CNTNAP2: variants seen among roughly 807,000 people sequenced by gnomAD.
CNTNAP2 encodes the protein contactin associated protein 2.
A neutral mutation model predicts 155.2 loss-of-function variants in CNTNAP2; 98 were observed. The observed-to-expected ratio is 0.63, with a 90% CI of 0.54 to 0.75. The LOEUF (loss-of-function observed/expected upper bound fraction) is 0.75. CNTNAP2 is among the 30% of genes least tolerant of loss of function. The pLI is 0.00. For missense variants in CNTNAP2, 1,727 were observed against 1,688.1 expected, an observed-to-expected ratio of 1.02 and a Z score of -0.40; for synonymous variants, 651 against 631.2, an observed-to-expected ratio of 1.03 and a Z score of -0.47.
rs564561687 is a variant in CNTNAP2 at position 147,567,016 on chromosome 7, A to G, written c.1897+4759A>G. Among the ~76,000 whole-genome samples, 5 of 152,250 alleles carry G rather than the reference A, an allele frequency of 3.3e-5. No individual in the cohort carries two copies. The South Asian group carries it at 1.0e-3, about 32-fold the overall frequency. On this transcript the variant is annotated intron_variant, in intron 12 of 23. Transcript: ENST00000361727. ...CAACTTGGCATCCATGCACACATAT[A>G]CAGTGGATGTGGTGGTGCCACAGAC... is the stretch of plus-strand genomic sequence containing the variant.
chr7:148,093,279 G>A (rs193296493), intron 15 of CNTNAP2, among the ~76,000 whole-genome samples: 38 of 152,064 alleles, frequency 2.5e-4, no homozygotes, highest in Non-Finnish European at 5.1e-4. Flanking sequence ...CATCAACACC[G>A]GCTATATACT....
intron 3 of CNTNAP2, among the ~76,000 whole-genome samples, chr7:146,947,326 G>A (rs966225573): frequency 2.7e-5 from 4 of 148,694 alleles, no homozygotes; most frequent in African/African-American, 4.9e-5. Context: ...ATATAAATTT[G>A]TAAATTTTTA....
At chr7:147,112,114 G>C (rs1017337692) in intron 5 of CNTNAP2, among the ~76,000 whole-genome samples, 2 of 151,902 alleles carry the variant, frequency 1.3e-5, no homozygotes, top group South Asian at 4.1e-4. Flanking sequence ...TATATCTTAG[G>C]TATTTTATAT....
chr7:148,192,157 G>T (rs1255530558), intron 18 of CNTNAP2, among the ~76,000 whole-genome samples: 1 of 152,022 alleles, frequency 6.6e-6, no homozygotes, highest in East Asian at 1.9e-4. Flanking sequence ...GGCGTACAAG[G>T]GTAATTTTGT....
chr7:146,527,954 C>T (rs1187654951), intron 1 of CNTNAP2, among the ~76,000 whole-genome samples: 3 of 151,996 alleles, frequency 2.0e-5, no homozygotes, highest in Non-Finnish European at 4.4e-5. Flanking sequence ...TTACATTTTA[C>T]GGCTTTTGTT....
At chr7:146,884,047 T>C (rs1338073774) in intron 3 of CNTNAP2, among the ~76,000 whole-genome samples, 3 of 152,130 alleles carry the variant, frequency 2.0e-5, no homozygotes, top group East Asian at 1.9e-4. Flanking sequence ...GATTTCTAAC[T>C]ATTATTTTAC....
At chr7:147,079,326 C>T (rs1289426342) in intron 4 of CNTNAP2, among the ~76,000 whole-genome samples, 1 of 152,040 alleles carries the variant, frequency 6.6e-6, no homozygotes, top group African/African-American at 2.4e-5. Context: ...GGGACCTGTG[C>T]TACCTGCCAC....
intron 10 of CNTNAP2, among the ~76,000 whole-genome samples, chr7:147,473,298 A>G (rs1006386636): frequency 7.3e-4 from 111 of 152,154 alleles, no homozygotes; most frequent in African/African-American, 2.3e-3. Flanking sequence ...TGTTTTAGGT[A>G]ACATTAATGA....
rs191763538 is a variant in CNTNAP2 at position 148,316,844 on chromosome 7, C to T, written c.3475+49718C>T. Among the ~76,000 whole-genome samples, 14 of 152,244 alleles carry T rather than the reference C, an allele frequency of 9.2e-5. No homozygotes were observed. In the East Asian group the frequency reaches 9.7e-4, roughly 11 times the overall value. On this transcript the variant is annotated intron_variant, in intron 21 of 23. Coordinates refer to ENST00000361727, the MANE Select transcript of CNTNAP2 (RefSeq NM_014141.6). ...AGTGTATATATTATTAAAGACTCAG[C>T]GAGAAAAGACAATTCACTTTAAGAC...
chr7:146,378,128 T>G (rs1795330109), intron 1 of CNTNAP2, among the ~76,000 whole-genome samples: 1 of 152,170 alleles, frequency 6.6e-6, no homozygotes, highest in South Asian at 2.1e-4. Context: ...GGAGAGTAGG[T>G]GCTTTATAAA....
At chr7:148,031,431 A>G (rs4726912) in intron 15 of CNTNAP2, among the ~76,000 whole-genome samples, 111,902 of 152,090 alleles carry the variant, frequency 0.74, 41,757 homozygotes, top group East Asian at 0.86. Flanking sequence ...ATAATGCTGA[A>G]GTCTTGTTTT....
At chr7:147,080,264 G>T (rs978873507) in intron 4 of CNTNAP2, among the ~76,000 whole-genome samples, 1 of 152,124 alleles carries the variant, frequency 6.6e-6, no homozygotes, top group Non-Finnish European at 1.5e-5. Context: ...ATCTCCCACT[G>T]TGAAAACATG....
intron 10 of CNTNAP2, among the ~76,000 whole-genome samples, chr7:147,423,599 C>T (rs1294986205): frequency 1.3e-5 from 2 of 152,122 alleles, no homozygotes; most frequent in Non-Finnish European, 2.9e-5. Flanking sequence ...GATCCAATAA[C>T]CCTCTTGTAG....
intron 9 of CNTNAP2, among the ~76,000 whole-genome samples, chr7:147,335,078 C>T (rs1458795621): frequency 1.3e-5 from 2 of 152,030 alleles, no homozygotes; most frequent in Non-Finnish European, 2.9e-5. Flanking sequence ...ATTCATATTA[C>T]CTTGTACTTA....
chr7:146,842,832 C>A lies in CNTNAP2; in HGVS notation c.402+2928C>A, dbSNP rs1803759934. Among the ~76,000 whole-genome samples, 4 of 150,966 alleles carry A rather than the reference C, an allele frequency of 2.6e-5. 1 individual carries two copies. In the South Asian group the frequency reaches 8.4e-4, roughly 32 times the overall value. On this transcript the variant is annotated intron_variant, in intron 3 of 23. Transcript: ENST00000361727. The stretch of plus-strand genomic sequence containing the variant: ...TCCCAAGTAGCTGGGACCACAGGCG[C>A]CCGCCACCACGCCCGGCTAATTTTT...
intron 10 of CNTNAP2, among the ~76,000 whole-genome samples, chr7:147,434,811 GCAGACTAAGCTGTGCAGACTATGCTGCC>G (rs1797525285): frequency 6.6e-6 from 1 of 152,190 alleles, no homozygotes; most frequent in African/African-American, 2.4e-5. Context: ...GCTATGCTGC[GCAGACTAAGCTGTGCAGACTATGCTGCC>G]CAGACTCCTC....
intron 1 of CNTNAP2, among the ~76,000 whole-genome samples, chr7:146,284,533 A>G (rs939289936): frequency 2.6e-5 from 4 of 152,190 alleles, no homozygotes; most frequent in African/African-American, 7.2e-5. Context: ...TTTAAATTCT[A>G]TATTTTTCTA....
intron 19 of CNTNAP2, among the ~76,000 whole-genome samples, chr7:148,226,885 T>C (rs894245170): frequency 1.3e-5 from 2 of 152,168 alleles, no homozygotes; most frequent in African/African-American, 4.8e-5. Context: ...TCTAAAACTT[T>C]TTAATAAACT....
chr7:146,130,543 G>T (rs1229751772), intron 1 of CNTNAP2, among the ~76,000 whole-genome samples: 2 of 152,188 alleles, frequency 1.3e-5, no homozygotes, highest in Non-Finnish European at 1.5e-5. Flanking sequence ...TTAGCTTAGA[G>T]AATTTTGCTA....
Sources: gnomAD v4.1 joint callset for allele counts (sites outside exome capture counted in the v4.1 genomes callset) on GRCh38, gnomAD v4.1.1 for gene constraint, MANE v1.5 for transcripts, NCBI Gene and HGNC (gene_info 2026-07-23, HGNC 2026-07-21) for gene names.